Variants in MICOS10 observed in about 807,000 individuals in gnomAD.
The protein encoded by MICOS10 is mitochondrial contact site and cristae organizing system subunit 10.
A neutral mutation model predicts 13.4 loss-of-function variants in MICOS10; 5 were observed. That is an observed-to-expected ratio of 0.37 (90% CI 0.20 to 0.78). The LOEUF (loss-of-function observed/expected upper bound fraction) is 0.78, where lower values mean the gene tolerates loss of function less well. Ranked by LOEUF, MICOS10 falls within the 30% of genes least tolerant of loss-of-function variation. The probability of loss-of-function intolerance (pLI) is 0.47; values close to 1 mark genes in which losing one functional copy is unlikely to be tolerated. For synonymous variants in MICOS10, 35 were observed against 33.6 expected (o/e 1.04, Z -0.15); for missense variants, 101 against 94.6 (o/e 1.07, Z -0.28).
chr1:19,622,512 TAATAGA>T (rs1470160271), intron 2 of MICOS10, among the ~76,000 whole-genome samples: 1 of 152,212 alleles, frequency 6.6e-6, no homozygotes, highest in Non-Finnish European at 1.5e-5. Context: ...ATCCTGCTGG[TAATAGA>T]AACAAGTAGA....
At chr1:19,611,141 A>G (rs2094859232) in intron 1 of MICOS10, among the ~76,000 whole-genome samples, 1 of 152,012 alleles carries the variant, frequency 6.6e-6, no homozygotes, top group South Asian at 2.1e-4. Context: ...TAGTAGAGAC[A>G]GGGTTTCACC....
intron 1 of MICOS10, among the ~76,000 whole-genome samples, chr1:19,600,466 T>G (rs1004418571): frequency 1.3e-5 from 2 of 152,200 alleles, no homozygotes; most frequent in African/African-American, 4.8e-5. Flanking sequence ...CTGCTTGCTT[T>G]TCTGGTATTT....
chr1:19,610,043 G>A (rs547618428), intron 1 of MICOS10, among the ~76,000 whole-genome samples: 12 of 152,304 alleles, frequency 7.9e-5, no homozygotes, highest in African/African-American at 2.9e-4. Context: ...TCGGGAGGGT[G>A]AGGCAGGAGA....
chr1:19,621,638 T>G (rs2094903910), intron 1 of MICOS10, among the ~76,000 whole-genome samples: 1 of 152,206 alleles, frequency 6.6e-6, no homozygotes, highest in Admixed American at 6.5e-5. Flanking sequence ...AGCTCAGCCT[T>G]TAGGAATTGT....
At chr1:19,610,577 G>T (rs950988760) in intron 1 of MICOS10, among the ~76,000 whole-genome samples, 2 of 151,376 alleles carry the variant, frequency 1.3e-5, no homozygotes, top group Admixed American at 6.6e-5. Flanking sequence ...GAGAGACAAG[G>T]TATATTTGGG....
chr1:19,608,643 AAG>A, intron 1 of MICOS10: 1 of 674,530 alleles, frequency 1.5e-6, no homozygotes, highest in South Asian at 1.7e-5. Flanking sequence ...TGAAACCTGT[AAG>A]AGAAAATCCT....
At position 19,602,457 on chromosome 1, in the gene MICOS10, G is replaced by T. The variant is rs554526365; in HGVS notation, c.64+5348G>T. 2.8e-3 allele frequency among the ~76,000 whole-genome samples: 422 copies of T among 152,284 alleles called. 2 individuals are homozygous for T. The highest frequency in any genetic ancestry group is 9.7e-3 in the African/African-American group (405 of 41,550). ...TTAATAATAAAGTAGTATTAAAAAT[G>T]TTTGGGAATAGTCAACTGAGAAACA... On this transcript the variant is annotated intron_variant, in intron 1 of 3. Transcript: ENST00000322753.
chr1:19,608,723 C>T, intron 1 of MICOS10: 1 of 551,296 alleles, frequency 1.8e-6, no homozygotes, highest in Non-Finnish European at 3.2e-6. Flanking sequence ...AACTGATATA[C>T]TGGATTTGAT....
At chr1:19,599,592 AAG>A (rs1246857441) in intron 1 of MICOS10, among the ~76,000 whole-genome samples, 1 of 152,156 alleles carries the variant, frequency 6.6e-6, no homozygotes, top group Non-Finnish European at 1.5e-5. Context: ...GTCATTCAAT[AAG>A]AGTGTGGAAG....
chr1:19,612,288 C>T (rs931639529), intron 1 of MICOS10, among the ~76,000 whole-genome samples: 3 of 151,176 alleles, frequency 2.0e-5, no homozygotes, highest in Non-Finnish European at 3.0e-5. Context: ...CATCTCCTGA[C>T]CTCGTGATCC....
intron 3 of MICOS10, among the ~76,000 whole-genome samples, chr1:19,626,100 C>T (rs1373948257): frequency 2.0e-5 from 3 of 152,228 alleles, no homozygotes; most frequent in Admixed American, 6.5e-5. Flanking sequence ...ATGCTCTCCC[C>T]ACTCCCCTGG....
intron 1 of MICOS10, among the ~76,000 whole-genome samples, chr1:19,610,628 C>A (rs1306321702): frequency 6.6e-6 from 1 of 151,874 alleles, no homozygotes; most frequent in Non-Finnish European, 1.5e-5. Context: ...TTTTCTTTAT[C>A]CAATCTAAGC....
intron 1 of MICOS10, among the ~76,000 whole-genome samples, chr1:19,620,125 T>TCATG (rs1174697679): frequency 6.6e-6 from 1 of 152,262 alleles, no homozygotes. Flanking sequence ...AAAGAGCTTG[T>TCATG]CATGCAACAG....
At chr1:19,622,963 C>T (rs982119009) in intron 2 of MICOS10, among the ~76,000 whole-genome samples, 11 of 143,946 alleles carry the variant, frequency 7.6e-5, no homozygotes, top group Admixed American at 2.1e-4. Context: ...TGCTCTGTCG[C>T]CAGGCTGGAG....
chr1:19,603,600 G>A (rs1170284362), intron 1 of MICOS10, among the ~76,000 whole-genome samples: 1 of 152,200 alleles, frequency 6.6e-6, no homozygotes, highest in Non-Finnish European at 1.5e-5. Context: ...AATTGGCTGT[G>A]TCCCTTTTCT....
chr1:19,620,812 A>C (rs1211737428), intron 1 of MICOS10, among the ~76,000 whole-genome samples: 1 of 152,212 alleles, frequency 6.6e-6, no homozygotes, highest in East Asian at 1.9e-4. Context: ...GTCTACTGCT[A>C]GGAAAAGTTG....
intron 1 of MICOS10, among the ~76,000 whole-genome samples, chr1:19,609,198 C>T (rs988494849): frequency 1.3e-5 from 2 of 151,684 alleles, no homozygotes; most frequent in African/African-American, 2.4e-5. Context: ...CATAGGAAGA[C>T]AACACATGGG....
chr1:19,611,469 A>ATTTTTTTTTTTTT lies in MICOS10; in HGVS notation c.65-10621_65-10609dup, dbSNP rs768118529. ...TTCTCTTTATTCCAGTTGCAACTTG[A>ATTTTTTTTTTTTT]TTTTTTTTTTTTTTTTTTTTTTGAG... is the stretch of plus-strand genomic sequence containing the variant. On this transcript the variant is annotated intron_variant, in intron 1 of 3. Transcript: ENST00000322753. Among the ~76,000 whole-genome samples, 34 of 90,308 alleles carry ATTTTTTTTTTTTT rather than the reference A, an allele frequency of 3.8e-4. 4 individuals carry two copies. Among genetic ancestry groups the ATTTTTTTTTTTTT allele is most frequent in the African/African-American group, 1.7e-3 (32 of 19,314 alleles). 59.2% of individuals were successfully genotyped at this position (90,308 alleles called of 152,430 possible).
chr1:19,600,733 C>T (rs1205148819), intron 1 of MICOS10: 1 of 399,406 alleles, frequency 2.5e-6, no homozygotes, highest in East Asian at 7.2e-5. Flanking sequence ...TCCTGAGTAG[C>T]TGGGACTGTG....
Sources: allele counts gnomAD v4.1 joint callset (sites outside exome capture counted in the v4.1 genomes callset), GRCh38; gene constraint gnomAD v4.1.1; transcripts MANE v1.5; gene names NCBI Gene and HGNC (gene_info 2026-07-23, HGNC 2026-07-21).